LINGO1: variants seen among roughly 807,000 people sequenced by gnomAD.
LINGO1 encodes the protein leucine rich repeat and Ig domain containing 1, also known as leucine-rich repeat and immunoglobulin-like domain-containing nogo receptor-interacting protein 1.
Under a neutral mutation model 37.3 loss-of-function variants are expected in LINGO1, and 11 were observed. The observed-to-expected ratio is 0.29, with a 90% CI of 0.19 to 0.49. The LOEUF (loss-of-function observed/expected upper bound fraction) is 0.49, where lower values mean the gene tolerates loss of function less well. Ranked by LOEUF, LINGO1 falls within the 20% of genes least tolerant of loss-of-function variation. The pLI is 0.99. For synonymous variants in LINGO1, 387 were observed against 403.0 expected (o/e 0.96, Z 0.48); for missense variants, 585 against 878.2 (o/e 0.67, Z 4.22).
upstream of LINGO1, among the ~76,000 whole-genome samples, chr15:77,638,283 C>T (rs1194071434): frequency 6.8e-6 from 1 of 147,876 alleles, no homozygotes; most frequent in Non-Finnish European, 1.5e-5. Context: ...CTACCCCCGC[C>T]GAAGTTCCCC....
chr15:77,695,882 CTTTT>C (rs35851585), intron 1 of LINGO1: 3 of 138,424 alleles, frequency 2.2e-5, no homozygotes, highest in South Asian at 2.3e-4. Flanking sequence ...AGAAAAATAT[CTTTT>C]TTTTTTTTTT....
At chr15:77,664,166 T>TGCGC (rs1225533245) in intron 3 of LINGO1, among the ~76,000 whole-genome samples, 21 of 123,042 alleles carry the variant, frequency 1.7e-4, no homozygotes, top group African/African-American at 7.6e-4. Flanking sequence ...TGTGTGTGTG[T>TGCGC]GTGTGCGCGC....
At chr15:77,775,910 C>T (rs1032126502) in intron 1 of LINGO1, among the ~76,000 whole-genome samples, 3 of 152,290 alleles carry the variant, frequency 2.0e-5, no homozygotes, top group East Asian at 1.9e-4. Context: ...TTCGTTCCTC[C>T]GTCAGCATCC....
chr15:77,688,257 G>C (rs2075545694), intron 2 of LINGO1, among the ~76,000 whole-genome samples: 1 of 152,236 alleles, frequency 6.6e-6, no homozygotes, highest in Admixed American at 6.5e-5. Flanking sequence ...GCCCCCCACT[G>C]TCTCTGCTAC....
intron 1 of LINGO1, among the ~76,000 whole-genome samples, chr15:77,737,035 G>A (rs1469278868): frequency 6.6e-6 from 1 of 152,164 alleles, no homozygotes; most frequent in African/African-American, 2.4e-5. Flanking sequence ...GTGCTTAGGT[G>A]TTTCCAATTT....
intron 1 of LINGO1, among the ~76,000 whole-genome samples, chr15:77,774,922 C>T (rs996935393): frequency 3.9e-5 from 6 of 152,198 alleles, no homozygotes; most frequent in African/African-American, 1.4e-4. Flanking sequence ...CCTCAGTACT[C>T]CTGCATCCTG....
intron 1 of LINGO1, among the ~76,000 whole-genome samples, chr15:77,745,978 T>C (rs1027359951): frequency 1.3e-5 from 2 of 151,256 alleles, no homozygotes; most frequent in African/African-American, 4.9e-5. Flanking sequence ...ATCTGCAATC[T>C]CAGCACTTTA....
At chr15:77,780,314 T>A (rs895746990) in intron 1 of LINGO1, among the ~76,000 whole-genome samples, 1 of 152,026 alleles carries the variant, frequency 6.6e-6, no homozygotes, top group Non-Finnish European at 1.5e-5. Context: ...GGCAGGCGTG[T>A]GGGTCTGAAG....
intron 1 of LINGO1, among the ~76,000 whole-genome samples, chr15:77,630,457 G>A (rs1374715824): frequency 6.6e-6 from 1 of 152,152 alleles, no homozygotes; most frequent in African/African-American, 2.4e-5. Context: ...TGGGGGAGGT[G>A]TCCCTCTGGG....
At position 77,614,413 on chromosome 15, in the gene LINGO1, G is replaced by C. The variant is rs1479507037; in HGVS notation, c.1494C>G (p.Ile498Met). 6.2e-7 allele frequency: 1 copy of C among 1,612,690 alleles called. No individual in the cohort carries two copies. ...AGTCGTTGCCGCCCGCGTTGGCCGC[G>C]ATGCACAGGTACGTGCCGTTGTCCT... ...QVQDNGTYLC[I>M]AANAGGNDSM... is the part of the protein sequence containing the mutation. Residue 498 changes from isoleucine (I) to methionine (M), a missense_variant, in exon 2 of 2, where the codon ATC becomes ATG. Ile to Met is a conservative substitution (Grantham distance 10). Around this residue, in one of 4 missense-constraint regions of LINGO1, gnomAD observed 484 missense variants for 735.0 expected, o/e 0.66. Coordinates refer to ENST00000355300, the MANE Select transcript of LINGO1 (RefSeq NM_032808.7).
At chr15:77,659,837 C>T (rs1250707213) in intron 3 of LINGO1, among the ~76,000 whole-genome samples, 1 of 7,492 alleles carries the variant, frequency 1.3e-4, no homozygotes, top group Non-Finnish European at 2.3e-4. Flanking sequence ...GCTGGTGGGG[C>T]GGGAGAGGCT....
intron 1 of LINGO1, among the ~76,000 whole-genome samples, chr15:77,804,626 T>C (rs2076945172): frequency 6.6e-6 from 1 of 152,166 alleles, no homozygotes; most frequent in Admixed American, 6.5e-5. Flanking sequence ...TCTGAGTGTG[T>C]GCAAGGATGT....
chr15:77,801,592 G>GT (rs2076919108), intron 1 of LINGO1, among the ~76,000 whole-genome samples: 1 of 142,466 alleles, frequency 7.0e-6, no homozygotes. Flanking sequence ...AGAGTTAATG[G>GT]GTTTTTTTTT....
intron 1 of LINGO1, among the ~76,000 whole-genome samples, chr15:77,618,278 A>G (rs10459650): frequency 0.68 from 103,144 of 152,040 alleles, 35,375 homozygotes; most frequent in East Asian, 0.8. Context: ...TCTGGCACAC[A>G]GGAAGCTTGC....
At chr15:77,649,028 C>A (rs2074699842) in intron 3 of LINGO1, 1 of 152,212 alleles carries the variant, frequency 6.6e-6, no homozygotes, top group African/African-American at 2.4e-5. Context: ...CCGTGGAACC[C>A]AAAGTCCAAA....
In LINGO1 at chr15:77,689,976, G is replaced by T. The variant is rs75497468; in HGVS notation, c.-99+744C>A. Among the ~76,000 whole-genome samples, 162 of 152,324 alleles carry T rather than the reference G, an allele frequency of 1.1e-3. 2 individuals carry two copies. In the East Asian group the frequency reaches 0.03, roughly 28 times the overall value. ...AGTTCTCTCAGCATCGCTGCCAGGT[G>T]AGATTCATTATCAGGTGAGAAAACT... On this transcript the variant is annotated intron_variant, in intron 2 of 3. Coordinates refer to the LINGO1 transcript ENST00000559893.
intron 2 of LINGO1, among the ~76,000 whole-genome samples, chr15:77,730,211 T>C (rs2076141560): frequency 6.6e-6 from 1 of 152,068 alleles, no homozygotes; most frequent in Admixed American, 6.6e-5. Context: ...ATGACAACTT[T>C]GACTAGAATT....
intron 1 of LINGO1, among the ~76,000 whole-genome samples, chr15:77,747,646 G>C (rs1278334431): frequency 6.6e-6 from 1 of 152,208 alleles, no homozygotes; most frequent in South Asian, 2.1e-4. Context: ...AGCAGCGTGA[G>C]CCCTGGGGGA....
At chr15:77,811,946 A>T (rs1018243200) in intron 1 of LINGO1, among the ~76,000 whole-genome samples, 7 of 92,398 alleles carry the variant, frequency 7.6e-5, no homozygotes, top group Admixed American at 4.5e-4. Flanking sequence ...CAACAAAATT[A>T]AAAAAAAAAA....
Sources: gnomAD v4.1 joint callset for allele counts (sites outside exome capture counted in the v4.1 genomes callset) on GRCh38, gnomAD v4.1.1 for gene constraint, gnomAD v4.1.1 regional missense constraint, MANE v1.5 for transcripts, NCBI Gene and HGNC (gene_info 2026-07-23, HGNC 2026-07-21) for gene names.